The following AGPAT5 variants were observed in gnomAD, a reference collection of about 807,000 sequenced individuals.
The protein encoded by AGPAT5 is 1-acylglycerol-3-phosphate O-acyltransferase 5.
Under a neutral mutation model 45.6 loss-of-function variants are expected in AGPAT5, and 46 were observed. The observed-to-expected ratio is 1.01, with a 90% CI of 0.80 to 1.29. The LOEUF is 1.29. AGPAT5 is among the 50% of genes most tolerant of loss of function. The pLI is 0.00. For missense variants in AGPAT5, 673 were observed against 450.7 expected (o/e 1.49, Z -4.47); for synonymous variants, 272 against 167.0 (o/e 1.63, Z -4.85).
chr8:6,743,957 G>A (rs563359850), intron 5 of AGPAT5, among the ~76,000 whole-genome samples: 1 of 152,144 alleles, frequency 6.6e-6, no homozygotes, highest in Admixed American at 6.5e-5. Flanking sequence ...AGATTTGAGA[G>A]TTCTTTCAAA....
Position 6,708,812 on chromosome 8 carries a change from A to G in AGPAT5, c.144A>G (p.Gln48=). The G allele has an allele frequency of 1.9e-6, 3 of 1,611,308 alleles. No homozygotes were observed. Among genetic ancestry groups the G allele is most frequent in the Non-Finnish European group, 2.5e-6 (3 of 1,179,666 alleles). Residue 48 remains glutamine, a synonymous_variant, in exon 1 of 8, where the codon CAA becomes CAG. Transcript: ENST00000285518. The part of the protein sequence containing the change: ...LSAFLPARFY[Q]ALDDRLYCVY... ...CCTTCCTGCCCGCCCGCTTCTACCA[A>G]GCGCTGGACGACCGGCTCTACTGCG...
At chr8:6,715,804 T>A (rs1800309696) in intron 1 of AGPAT5, among the ~76,000 whole-genome samples, 1 of 152,224 alleles carries the variant, frequency 6.6e-6, no homozygotes, top group Admixed American at 6.5e-5. Flanking sequence ...AAAGTAACTC[T>A]TTGCTTGGGT....
At chr8:6,724,418 G>A (rs1284226903) in intron 1 of AGPAT5, among the ~76,000 whole-genome samples, 2 of 152,158 alleles carry the variant, frequency 1.3e-5, no homozygotes, top group Middle Eastern at 3.4e-3. Context: ...AAAAAAGGTT[G>A]TGTACCCTTT....
chr8:6,725,022 A>G (rs1005836606), intron 2 of AGPAT5, 83 bp downstream of exon 2: 20 of 469,264 alleles, frequency 4.3e-5, no homozygotes, highest in African/African-American at 4.0e-4. Flanking sequence ...TATTTAAATG[A>G]AGTGGGTTTT....
At chr8:6,742,583 G>T (rs1284945513) in intron 5 of AGPAT5, among the ~76,000 whole-genome samples, 1 of 152,182 alleles carries the variant, frequency 6.6e-6, no homozygotes, top group Non-Finnish European at 1.5e-5. Context: ...TAATGGTAAA[G>T]TTCTTCATCT....
In AGPAT5 at chr8:6,758,177, C is replaced by G. The variant is rs1392183649; in HGVS notation, c.*789C>G. The G allele has an allele frequency of 6.6e-6, 1 of 152,456 alleles. No individual in the cohort carries two copies. Among genetic ancestry groups the G allele is most frequent in the Non-Finnish European group, 1.5e-5 (1 of 68,030 alleles). 9.4% of individuals were successfully genotyped at this position (152,456 alleles called of 1,614,324 possible). On this transcript the variant is annotated 3_prime_UTR_variant, in exon 8 of 8. Transcript: ENST00000285518. The stretch of plus-strand genomic sequence containing the variant: ...CTTCCCTTTGTCTGTGCCATAAGTG[C>G]TTGAAAACGTTAAGGTTTTCTGTTT...
intron 5 of AGPAT5, among the ~76,000 whole-genome samples, chr8:6,747,143 T>C (rs572459215): frequency 6.6e-6 from 1 of 152,330 alleles, no homozygotes; most frequent in East Asian, 1.9e-4. Context: ...AAGCAATTAA[T>C]AGGTAAACAA....
intron 2 of AGPAT5, among the ~76,000 whole-genome samples, chr8:6,727,504 C>G (rs1044939746): frequency 1.2e-4 from 18 of 152,102 alleles, no homozygotes; most frequent in African/African-American, 4.3e-4. Context: ...GCCTCAGCCT[C>G]CCGAGTAGCT....
intron 1 of AGPAT5, among the ~76,000 whole-genome samples, chr8:6,723,356 T>C (rs1800571331): frequency 6.6e-6 from 1 of 152,118 alleles, no homozygotes; most frequent in Admixed American, 6.5e-5. Flanking sequence ...TGGCTAATCT[T>C]TTTATAATTA....
intron 6 of AGPAT5, among the ~76,000 whole-genome samples, chr8:6,754,017 C>A (rs1448684459): frequency 2.0e-5 from 3 of 152,196 alleles, no homozygotes; most frequent in African/African-American, 7.2e-5. Flanking sequence ...TCTCAGAACA[C>A]GTCTTTGAAC....
intron 5 of AGPAT5, chr8:6,745,765 C>T (rs1801428183): frequency 1.3e-5 from 2 of 149,554 alleles, no homozygotes; most frequent in Non-Finnish European, 1.5e-5. Flanking sequence ...CTTGCCTTTT[C>T]ATCTTCTGCC....
intron 5 of AGPAT5, among the ~76,000 whole-genome samples, chr8:6,747,351 G>T (rs1042324309): frequency 6.6e-6 from 1 of 152,224 alleles, no homozygotes; most frequent in Non-Finnish European, 1.5e-5. Flanking sequence ...CCTTTGTTCA[G>T]TGGCCAGAAG....
chr8:6,745,490 A>G (rs938864163), intron 5 of AGPAT5, among the ~76,000 whole-genome samples: 2 of 152,242 alleles, frequency 1.3e-5, no homozygotes, highest in Non-Finnish European at 2.9e-5. Flanking sequence ...GTCAGTTGTC[A>G]TATTTGTTAA....
At chr8:6,747,402 T>G (rs908880626) in intron 5 of AGPAT5, among the ~76,000 whole-genome samples, 4 of 152,230 alleles carry the variant, frequency 2.6e-5, no homozygotes, top group African/African-American at 7.2e-5. Flanking sequence ...TCTACTAGAT[T>G]GAAGCGTTTC....
At chr8:6,710,357 A>T (rs984031621) in intron 1 of AGPAT5, among the ~76,000 whole-genome samples, 1 of 152,180 alleles carries the variant, frequency 6.6e-6, no homozygotes, top group African/African-American at 2.4e-5. Context: ...TAATCTAATC[A>T]TTCCCCCCAC....
chr8:6,719,253 G>A (rs1399453367), intron 1 of AGPAT5, among the ~76,000 whole-genome samples: 1 of 152,094 alleles, frequency 6.6e-6, no homozygotes, highest in African/African-American at 2.4e-5. Context: ...TTTACATTAG[G>A]TTCAAAATTC....
At position 6,757,691 on chromosome 8, in the gene AGPAT5, A is replaced by T; in HGVS notation, c.*303A>T. 4.2e-6 allele frequency: 1 copy of T among 238,802 alleles called. No individual in the cohort carries two copies. The highest frequency in any genetic ancestry group is 1.4e-4 in the South Asian group (1 of 7,186). 14.8% of individuals were successfully genotyped at this position (238,802 alleles called of 1,614,324 possible). The stretch of plus-strand genomic sequence containing the variant: ...AGGCTGGGAGGATTGTGTATTTTGC[A>T]AGTCAGATGGCTGCATTTTTGAGCA... On this transcript the variant is annotated 3_prime_UTR_variant, in exon 8 of 8. Coordinates refer to ENST00000285518, the MANE Select transcript of AGPAT5 (RefSeq NM_018361.5).
At chr8:6,711,901 C>T (rs772259569) in intron 1 of AGPAT5, among the ~76,000 whole-genome samples, 15 of 152,210 alleles carry the variant, frequency 9.9e-5, no homozygotes, top group Non-Finnish European at 1.6e-4. Flanking sequence ...TTAGAGCCCA[C>T]CTGGATATTC....
At chr8:6,750,374 G>C (rs1263372023) in intron 6 of AGPAT5, among the ~76,000 whole-genome samples, 1 of 152,204 alleles carries the variant, frequency 6.6e-6, no homozygotes, top group Non-Finnish European at 1.5e-5. Flanking sequence ...GGTGGTCACT[G>C]CCTATGTGTA....
Sources: allele counts gnomAD v4.1 joint callset (sites outside exome capture counted in the v4.1 genomes callset), GRCh38; gene constraint gnomAD v4.1.1; transcripts MANE v1.5; gene names NCBI Gene and HGNC (gene_info 2026-07-23, HGNC 2026-07-21).